ZNF124: variants seen among roughly 807,000 people sequenced by gnomAD.
ZNF124 encodes zinc finger protein HZF-16.
In ZNF124, 25 loss-of-function variants were observed where a neutral mutation model predicts 26.6. That is an observed-to-expected ratio of 0.94 (90% CI 0.68 to 1.31). The LOEUF is 1.31. Among genes scored for constraint, ZNF124 ranks in the 40% most tolerant of loss-of-function variants. The pLI, the probability that ZNF124 is intolerant of heterozygous loss-of-function variation, is 0.00. For missense variants in ZNF124, 444 were observed against 422.2 expected (o/e 1.05, Z -0.45); for synonymous variants, 129 against 133.3 (o/e 0.97, Z 0.22).
In ZNF124 at chr1:247,157,243, A is replaced by G. The variant is rs763826072; in HGVS notation, c.379T>C (p.Cys127Arg). The G allele has an allele frequency of 6.2e-7, 1 of 1,614,034 alleles. No individual in the cohort carries two copies. Among genetic ancestry groups the G allele is most frequent in the Non-Finnish European group, 8.5e-7 (1 of 1,179,922 alleles). Residue 127 changes from cysteine to arginine, a missense_variant, in exon 4 of 4, where the codon TGT becomes CGT. Transcript: ENST00000543802. Reference sequence around the variant, plus strand: ...CTGGGAATATTAAAAACTTTCTCACATATTGTACAACCATAATGTCCATTT... The same window carrying G: ...CTGGGAATATTAAAAACTTTCTCACGTATTGTACAACCATAATGTCCATTT... ...TGNGHYGCTI[C>R]EKVFNIPSSF...
chr1:247,150,226 G>T (rs1247048836), downstream of ZNF124, among the ~76,000 whole-genome samples: 2 of 152,106 alleles, frequency 1.3e-5, no homozygotes, highest in Admixed American at 1.3e-4. Context: ...AATATTATCT[G>T]TCAACTAATA....
At chr1:247,167,355 C>T (rs561356234) in intron 1 of ZNF124, among the ~76,000 whole-genome samples, 1 of 152,296 alleles carries the variant, frequency 6.6e-6, no homozygotes, top group East Asian at 1.9e-4. Flanking sequence ...GAAAACAGCA[C>T]AGACTTACCC....
chr1:247,130,878 C>G lies in ZNF124; in HGVS notation c.219-7007G>C, dbSNP rs574863810. Reference sequence around the variant, plus strand: ...AGATCATGAGGTCAGGAGTTCAAGACCAGCCTGACCAACATGGTGAAACCT... The same window carrying G: ...AGATCATGAGGTCAGGAGTTCAAGAGCAGCCTGACCAACATGGTGAAACCT... On this transcript the variant is annotated intron_variant, in intron 3 of 3. Coordinates refer to the ZNF124 transcript ENST00000472531. Among the ~76,000 whole-genome samples, 5 of 152,262 alleles carry G rather than the reference C, an allele frequency of 3.3e-5. No individual in the cohort carries two copies. In the East Asian group the frequency reaches 9.7e-4, roughly 29 times the overall value.
chr1:247,143,383 C>T (rs1011100844), intron 3 of ZNF124, among the ~76,000 whole-genome samples: 5 of 152,234 alleles, frequency 3.3e-5, no homozygotes, highest in African/African-American at 9.6e-5. Context: ...CACTGCTCTA[C>T]AGCCCTACCA....
At position 247,155,441 on chromosome 1, in the gene ZNF124, A is replaced by G. The variant is rs1475421140; in HGVS notation, c.*1125T>C. On this transcript the variant is annotated 3_prime_UTR_variant, in exon 4 of 4. Coordinates refer to ENST00000543802, the MANE Select transcript of ZNF124 (RefSeq NM_001297568.2). ...GCTATGCAAGAAAAAAGGAAAAGAAATACATTTCAATTTACCCATATAACC... is the reference window on the plus strand; with the variant it reads ...GCTATGCAAGAAAAAAGGAAAAGAAGTACATTTCAATTTACCCATATAACC... 6.6e-6 allele frequency among the ~76,000 whole-genome samples: 1 copy of G among 152,158 alleles called. No homozygotes were observed. Among genetic ancestry groups the G allele is most frequent in the Non-Finnish European group, 1.5e-5 (1 of 68,022 alleles).
chr1:247,158,366 G>A (rs751008104), intron 3 of ZNF124, among the ~76,000 whole-genome samples: 1 of 152,042 alleles, frequency 6.6e-6, no homozygotes, highest in Non-Finnish European at 1.5e-5. Context: ...TGCCATGACT[G>A]GAAGCTCTCT....
chr1:247,142,071 G>A (rs1672642535), intron 3 of ZNF124, among the ~76,000 whole-genome samples: 1 of 152,202 alleles, frequency 6.6e-6, no homozygotes, highest in African/African-American at 2.4e-5. Flanking sequence ...CCTGGCTGGA[G>A]AAGTCCAGAG....
At chr1:247,163,411 G>C (rs1673603169) in intron 1 of ZNF124, among the ~76,000 whole-genome samples, 1 of 147,114 alleles carries the variant, frequency 6.8e-6, no homozygotes, top group South Asian at 2.1e-4. Flanking sequence ...AAGGAGAGAA[G>C]ATCCATATAA....
chr1:247,124,848 A>C (rs556705655), intron 3 of ZNF124, among the ~76,000 whole-genome samples: 1 of 152,290 alleles, frequency 6.6e-6, no homozygotes, highest in Non-Finnish European at 1.5e-5. Flanking sequence ...CCCAGGCTGC[A>C]GTGCAGTGGT....
intron 3 of ZNF124, among the ~76,000 whole-genome samples, chr1:247,144,990 G>A (rs1038087282): frequency 3.9e-5 from 6 of 152,060 alleles, no homozygotes; most frequent in South Asian, 4.1e-4. Context: ...TGGCCAGGCC[G>A]GTCTCGAACT....
intron 3 of ZNF124, among the ~76,000 whole-genome samples, chr1:247,146,190 GA>G (rs1247211845): frequency 6.6e-6 from 1 of 152,190 alleles, no homozygotes; most frequent in Non-Finnish European, 1.5e-5. Flanking sequence ...AGCAGGGACA[GA>G]AATTTAGGGA....
intron 3 of ZNF124, among the ~76,000 whole-genome samples, chr1:247,143,520 AT>A (rs983287259): frequency 6.6e-6 from 1 of 152,130 alleles, no homozygotes; most frequent in African/African-American, 2.4e-5. Context: ...TTCTAGATTT[AT>A]TTACTACACA....
In ZNF124 at chr1:247,159,722, A is replaced by C. The variant is rs770806743; in HGVS notation, c.122T>G (p.Val41Gly). ...CAGATTCCTGAAGGTTTCCTGCATCACGTCTCTATAGAGATTCTTCTGGGA... is the reference window on the plus strand; with the variant it reads ...CAGATTCCTGAAGGTTTCCTGCATCCCGTCTCTATAGAGATTCTTCTGGGA... ...DPSQKNLYRD[V>G]MQETFRNLAS... is the part of the protein sequence containing the mutation. Residue 41 changes from valine (V) to glycine (G), a missense_variant, in exon 2 of 4, where the codon GTG becomes GGG. By Grantham distance (109) the Val-to-Gly change is moderately radical (BLOSUM62 -3). Coordinates refer to ENST00000543802, the MANE Select transcript of ZNF124 (RefSeq NM_001297568.2). 5.7e-5 allele frequency: 92 copies of C among 1,613,038 alleles called. No homozygotes were observed. Among genetic ancestry groups the C allele is most frequent in the Non-Finnish European group, 7.5e-5 (88 of 1,179,792 alleles).
intron 1 of ZNF124, among the ~76,000 whole-genome samples, chr1:247,163,418 A>G (rs1285072141): frequency 6.6e-6 from 1 of 151,582 alleles, no homozygotes; most frequent in African/African-American, 2.4e-5. Context: ...GAAGATCCAT[A>G]TAAACACAAT....
At chr1:247,144,903 G>A (rs969442180) in intron 3 of ZNF124, among the ~76,000 whole-genome samples, 3 of 151,978 alleles carry the variant, frequency 2.0e-5, no homozygotes, top group Non-Finnish European at 4.4e-5. Context: ...AGCCTCCTGA[G>A]TAGCTGGGAC....
chr1:247,169,181 G>C (rs71640402), intron 1 of ZNF124, among the ~76,000 whole-genome samples: 4 of 152,160 alleles, frequency 2.6e-5, no homozygotes, highest in African/African-American at 9.6e-5. Context: ...CTTTGCAAGA[G>C]GACAGCCCAG....
At chr1:247,157,514 T>C (rs1348365253) in intron 3 of ZNF124, 111 bp from the exon 4 acceptor site, 5 of 950,758 alleles carry the variant, frequency 5.3e-6, no homozygotes, top group East Asian at 5.2e-5. Context: ...TCTGGAGGTT[T>C]TTCTACACTG....
intron 1 of ZNF124, among the ~76,000 whole-genome samples, chr1:247,166,039 C>G (rs978116705): frequency 1.3e-5 from 2 of 152,068 alleles, no homozygotes; most frequent in Non-Finnish European, 2.9e-5. Flanking sequence ...ATTAGCCGGG[C>G]CTGTTAGCAC....
intron 3 of ZNF124, among the ~76,000 whole-genome samples, chr1:247,144,780 C>CTTT (rs5782417): frequency 5.4e-4 from 79 of 145,090 alleles, no homozygotes; most frequent in African/African-American, 1.9e-3. Context: ...TTCTTTCTTT[C>CTTT]TTTTTTTTTT....
Sources: gnomAD v4.1 joint callset for allele counts (sites outside exome capture counted in the v4.1 genomes callset) on GRCh38, gnomAD v4.1.1 for gene constraint, MANE v1.5 for transcripts, NCBI Gene and HGNC (gene_info 2026-07-23, HGNC 2026-07-21) for gene names.